Variants in CDKAL1 observed in about 807,000 individuals in gnomAD.
CDKAL1 encodes the protein CDKAL1 threonylcarbamoyladenosine tRNA methylthiotransferase.
CDKAL1 carries 32 observed loss-of-function variants against 68.2 expected under a neutral mutation model. The observed-to-expected ratio is 0.47, with a 90% CI of 0.35 to 0.63. The LOEUF is 0.63. Ranked by LOEUF, CDKAL1 falls within the 30% of genes least tolerant of loss-of-function variation. CDKAL1 has a pLI of 0.00. For missense variants in CDKAL1, 606 were observed against 696.7 expected (o/e 0.87, Z 1.47); for synonymous variants, 234 against 244.3 (o/e 0.96, Z 0.39).
At chr6:20,538,536 G>GGATTC (rs1763266182) in intron 2 of CDKAL1, among the ~76,000 whole-genome samples, 1 of 152,046 alleles carries the variant, frequency 6.6e-6, no homozygotes, top group Admixed American at 6.6e-5. Flanking sequence ...CTATTGCAGT[G>GGATTC]GATTCCTTTC....
rs182550294 is a variant in CDKAL1 at position 21,194,045 on chromosome 6, G to A, written c.1300-3976G>A. On this transcript the variant is annotated intron_variant, in intron 13 of 15. Coordinates refer to ENST00000274695, the MANE Select transcript of CDKAL1 (RefSeq NM_017774.3). ...AAGGGCTTTCAAAGAGACCACACAC[G>A]AAAGGCAGCCTCACATTATAACACC... Among the ~76,000 whole-genome samples, 9 of 152,288 alleles carry A rather than the reference G, an allele frequency of 5.9e-5. No individual in the cohort carries two copies. The South Asian group carries it at 1.0e-3, about 18-fold the overall frequency.
At chr6:20,802,703 C>T (rs891075573) in intron 8 of CDKAL1, among the ~76,000 whole-genome samples, 4 of 152,094 alleles carry the variant, frequency 2.6e-5, no homozygotes, top group Non-Finnish European at 4.4e-5. Flanking sequence ...CAGGCATTTA[C>T]AGGTAGTTCA....
chr6:21,064,098 A>G (rs1771287344), intron 11 of CDKAL1, among the ~76,000 whole-genome samples: 1 of 152,228 alleles, frequency 6.6e-6, no homozygotes. Context: ...AAAGAGGAAC[A>G]ATGCAAAATT....
intron 6 of CDKAL1, among the ~76,000 whole-genome samples, chr6:20,749,600 T>C (rs1057191588): frequency 6.6e-6 from 1 of 151,782 alleles, no homozygotes; most frequent in African/African-American, 2.4e-5. Flanking sequence ...CAGGCTAGAG[T>C]GCAGTGGCAC....
chr6:21,229,443 A>G (rs191728091), intron 15 of CDKAL1, among the ~76,000 whole-genome samples: 2 of 151,988 alleles, frequency 1.3e-5, no homozygotes, highest in African/African-American at 4.8e-5. Context: ...CACCCCACAC[A>G]TTCCTGTTCC....
rs78916634 is a variant in CDKAL1 at position 20,601,209 on chromosome 6, A to T, written c.287-48084A>T. On this transcript the variant is annotated intron_variant, in intron 4 of 15. Transcript: ENST00000274695. ...TCAATACCTCTGAGAAAGATCAGAA[A>T]CACATAATTAAATGCAAATAGGGTA... Among the ~76,000 whole-genome samples, 265 of 152,312 alleles carry T rather than the reference A, an allele frequency of 1.7e-3. 7 individuals carry two copies. The East Asian group carries it at 0.037, about 21-fold the overall frequency.
At chr6:21,125,394 C>A (rs562956185) in intron 13 of CDKAL1, among the ~76,000 whole-genome samples, 2 of 152,264 alleles carry the variant, frequency 1.3e-5, no homozygotes. Flanking sequence ...TTTCCTTAGT[C>A]GGGCACAGTG....
rs1263429246 is a variant in CDKAL1, at chr6:20,748,554, GGAAAAAAAAAAAAAA to G, written c.468+8940_468+8954del. Reference sequence around the variant, plus strand: ...GGAAAGAGAGCAAGACTCTGTTTCTGGAAAAAAAAAAAAAAAAAAAAAAAAAAAAAAAAAAAAAAA... The same window carrying G: ...GGAAAGAGAGCAAGACTCTGTTTCTGAAAAAAAAAAAAAAAAAAAAAAAAA... On this transcript the variant is annotated intron_variant, in intron 6 of 15. Coordinates refer to ENST00000274695, the MANE Select transcript of CDKAL1 (RefSeq NM_017774.3). 9.1e-5 allele frequency among the ~76,000 whole-genome samples: 7 copies of G among 77,106 alleles called. 1 individual carries two copies. Among genetic ancestry groups the G allele is most frequent in the African/African-American group, 3.3e-4 (7 of 20,998 alleles). The allele number at this position is 77,106 out of a possible 152,430, so 50.6% of individuals were successfully genotyped here.
intron 4 of CDKAL1, among the ~76,000 whole-genome samples, chr6:20,570,298 T>G (rs1370674292): frequency 6.6e-6 from 1 of 151,308 alleles, no homozygotes; most frequent in East Asian, 1.9e-4. Flanking sequence ...GAGACGGAGT[T>G]TCACCATGTT....
chr6:20,568,284 G>T (rs1045368097), intron 4 of CDKAL1, among the ~76,000 whole-genome samples: 11 of 152,192 alleles, frequency 7.2e-5, no homozygotes, highest in Non-Finnish European at 1.6e-4. Flanking sequence ...CTCCTAAAGT[G>T]TTGGGATTCC....
chr6:20,996,716 C>T (rs1406050617), intron 10 of CDKAL1, among the ~76,000 whole-genome samples: 1 of 152,150 alleles, frequency 6.6e-6, no homozygotes, highest in Non-Finnish European at 1.5e-5. Context: ...CAAAATGTGA[C>T]ACAGAGATAC....
chr6:20,890,015 A>G (rs560898933), intron 9 of CDKAL1, among the ~76,000 whole-genome samples: 3 of 152,114 alleles, frequency 2.0e-5, no homozygotes, highest in Admixed American at 6.6e-5. Flanking sequence ...CGGCCCCCCA[A>G]AGTGCTGAGA....
chr6:21,183,287 C>T (rs1001739879), intron 13 of CDKAL1, among the ~76,000 whole-genome samples: 3 of 152,096 alleles, frequency 2.0e-5, no homozygotes, highest in South Asian at 2.1e-4. Flanking sequence ...GCCATGGCTT[C>T]GAAAAGGGAG....
chr6:20,599,316 G>A (rs1765980342), intron 4 of CDKAL1: 5 of 449,162 alleles, frequency 1.1e-5, no homozygotes, highest in South Asian at 7.9e-5. Context: ...GAATAAAGTT[G>A]CATTATTGTT....
At chr6:20,712,745 A>G (rs1201143371) in intron 5 of CDKAL1, among the ~76,000 whole-genome samples, 1 of 152,058 alleles carries the variant, frequency 6.6e-6, no homozygotes, top group Non-Finnish European at 1.5e-5. Flanking sequence ...CCTGGGATCA[A>G]GTCGTTCTCC....
intron 5 of CDKAL1, among the ~76,000 whole-genome samples, chr6:20,693,699 T>G (rs1770975406): frequency 6.6e-6 from 1 of 152,228 alleles, no homozygotes; most frequent in African/African-American, 2.4e-5. Flanking sequence ...CTTTTGCCTT[T>G]CCTTGTCATG....
rs1777649684 is a variant in CDKAL1 at position 20,830,018 on chromosome 6, G to A, written c.639-16057G>A. Reference sequence around the variant, plus strand: ...TTACAGGCATGTGCCAGAACAGCTGGCTAACTTTTGTATTTTTAGTAGAGA... The same window carrying A: ...TTACAGGCATGTGCCAGAACAGCTGACTAACTTTTGTATTTTTAGTAGAGA... On this transcript the variant is annotated intron_variant, in intron 8 of 15. Coordinates refer to ENST00000274695, the MANE Select transcript of CDKAL1 (RefSeq NM_017774.3). Among the ~76,000 whole-genome samples the A allele has an allele frequency of 5.3e-5, 8 of 152,158 alleles. No homozygotes were observed. The South Asian group carries it at 1.7e-3, about 31-fold the overall frequency.
At chr6:20,955,219 T>C (rs1406648915) in intron 9 of CDKAL1, among the ~76,000 whole-genome samples, 200 bp from the exon 10 acceptor site, 4 of 152,220 alleles carry the variant, frequency 2.6e-5, no homozygotes, top group Non-Finnish European at 5.9e-5. Context: ...TTTACAGCAT[T>C]GTTGTAACTC....
At chr6:20,767,751 A>G (rs1246170548) in intron 7 of CDKAL1, among the ~76,000 whole-genome samples, 2 of 152,168 alleles carry the variant, frequency 1.3e-5, no homozygotes, top group Admixed American at 6.5e-5. Flanking sequence ...TTGAACATTT[A>G]TTTCTAATAT....
Sources: allele counts gnomAD v4.1 joint callset (sites outside exome capture counted in the v4.1 genomes callset), GRCh38; gene constraint gnomAD v4.1.1; transcripts MANE v1.5; gene names NCBI Gene and HGNC (gene_info 2026-07-23, HGNC 2026-07-21).